SNX13: variants seen among roughly 807,000 people sequenced by gnomAD.
The protein encoded by SNX13 is sorting nexin-13.
A neutral mutation model predicts 133.6 loss-of-function variants in SNX13; 45 were observed. The ratio of observed to expected loss-of-function variants is 0.34; its 90% confidence interval spans 0.27 to 0.43. The LOEUF (loss-of-function observed/expected upper bound fraction) is 0.43, where lower values mean the gene tolerates loss of function less well. Among genes scored for constraint, SNX13 ranks in the 20% least tolerant of loss-of-function variants. The probability of loss-of-function intolerance (pLI) is 1.00; values close to 1 mark genes in which losing one functional copy is unlikely to be tolerated. For missense variants in SNX13, 1,032 were observed against 1,145.1 expected, an observed-to-expected ratio of 0.90 and a Z score of 1.43; for synonymous variants, 414 against 373.9, an observed-to-expected ratio of 1.11 and a Z score of -1.24.
chr7:17,940,391 CAA>C lies in SNX13; in HGVS notation c.-98_-97del. ...CTGCTCGGGCCGCCGCCAACGGCGG[CAA>C]CTGCTCCTTCAGTCTTCTCCCGGGC... On this transcript the variant is annotated 5_prime_UTR_variant, in exon 1 of 26. The change abolishes the stop of an existing upstream ORF in the 5' untranslated region. Transcript: ENST00000428135. 1 of 1,402,282 alleles carries C rather than the reference CAA, an allele frequency of 7.1e-7. No homozygotes were observed. The highest frequency in any genetic ancestry group is 9.9e-7 in the Non-Finnish European group (1 of 1,014,396). The allele number at this position is 1,402,282 out of a possible 1,614,324, so 86.9% of individuals were successfully genotyped here.
intron 1 of SNX13, 55 bp downstream of exon 1, chr7:17,940,229 G>A (rs1802673411): frequency 6.4e-7 from 1 of 1,551,608 alleles, no homozygotes; most frequent in Admixed American, 2.0e-5. Flanking sequence ...CTGACGGGCT[G>A]GCGCCGGCCC....
At chr7:17,854,113 AT>A (rs1365409664) in intron 9 of SNX13, among the ~76,000 whole-genome samples, 1 of 152,044 alleles carries the variant, frequency 6.6e-6, no homozygotes, top group Non-Finnish European at 1.5e-5. Flanking sequence ...AGTGTAAAAG[AT>A]TTTTTTTCTG....
intron 1 of SNX13, among the ~76,000 whole-genome samples, chr7:17,916,915 C>A (rs575115545): frequency 2.0e-5 from 3 of 152,178 alleles, no homozygotes; most frequent in South Asian, 4.1e-4. Context: ...AAATCCTCAA[C>A]AAAATACTAG....
At chr7:17,893,681 A>AGG (rs1796885352) in intron 2 of SNX13, among the ~76,000 whole-genome samples, 1 of 152,180 alleles carries the variant, frequency 6.6e-6, no homozygotes. Flanking sequence ...TTCCTAAAGA[A>AGG]TCTTGTGACA....
intron 5 of SNX13, among the ~76,000 whole-genome samples, chr7:17,883,175 A>C (rs1795568593): frequency 6.6e-6 from 1 of 152,234 alleles, no homozygotes; most frequent in South Asian, 2.1e-4. Context: ...CCTATATTTC[A>C]ATGCTTCAAA....
At chr7:17,840,553 A>G (rs1346271132) in intron 12 of SNX13, among the ~76,000 whole-genome samples, 6 of 152,080 alleles carry the variant, frequency 3.9e-5, no homozygotes, top group Non-Finnish European at 1.5e-5. Context: ...TATGTTCCCA[A>G]TAAAGTACTC....
At chr7:17,812,334 G>T (rs1025282751) in intron 20 of SNX13, among the ~76,000 whole-genome samples, 1 of 152,028 alleles carries the variant, frequency 6.6e-6, no homozygotes. Context: ...GAAAGTGGGC[G>T]AACGATACGA....
At chr7:17,805,254 T>TGCGCGCGCGCGCGCGCGC (rs56000068) in intron 20 of SNX13, among the ~76,000 whole-genome samples, 48 of 132,516 alleles carry the variant, frequency 3.6e-4, no homozygotes, top group East Asian at 1.1e-3. Context: ...TGTGTGTGCG[T>TGCGCGCGCGCGCGCGCGC]GCGCGCGCGC....
At chr7:17,936,337 C>A (rs1016045771) in intron 1 of SNX13, among the ~76,000 whole-genome samples, 1 of 152,148 alleles carries the variant, frequency 6.6e-6, no homozygotes, top group African/African-American at 2.4e-5. Context: ...TATATCAGAT[C>A]TGTTAACTCT....
chr7:17,889,397 A>C (rs1409976371), intron 5 of SNX13: 2 of 152,218 alleles, frequency 1.3e-5, no homozygotes, highest in Admixed American at 1.3e-4. Context: ...AAAGCTTTAT[A>C]ATCAATGGAG....
At chr7:17,801,016 A>ATATATATATATATATATGTG (rs1784562001) in intron 22 of SNX13, among the ~76,000 whole-genome samples, 2 of 9,788 alleles carry the variant, frequency 2.0e-4, no homozygotes, top group African/African-American at 5.5e-4. Context: ...GAACATATAT[A>ATATATATATATATATATGTG]TATATATATA....
intron 10 of SNX13, 69 bp downstream of exon 10, chr7:17,850,757 A>G (rs1583473233): frequency 8.0e-7 from 1 of 1,250,526 alleles, no homozygotes; most frequent in African/African-American, 1.6e-5. Context: ...ATTTAGGTAA[A>G]TTAATCAAAG....
chr7:17,829,340 A>G (rs1788231233), intron 16 of SNX13, among the ~76,000 whole-genome samples: 1 of 151,540 alleles, frequency 6.6e-6, no homozygotes, highest in Non-Finnish European at 1.5e-5. Context: ...GCATCTTAGA[A>G]AATGAGTTAT....
intron 15 of SNX13, chr7:17,830,287 A>T (rs1436342253): frequency 4.1e-6 from 4 of 984,152 alleles, no homozygotes; most frequent in Non-Finnish European, 4.8e-6. Flanking sequence ...GCCAAAAATC[A>T]AAAAGGCATT....
intron 20 of SNX13, among the ~76,000 whole-genome samples, chr7:17,810,156 C>A (rs549212600): frequency 6.6e-6 from 1 of 152,092 alleles, no homozygotes; most frequent in East Asian, 1.9e-4. Flanking sequence ...ACGAAAAACG[C>A]TTCAAAAAAT....
intron 17 of SNX13, among the ~76,000 whole-genome samples, chr7:17,825,448 T>A (rs1225631275): frequency 6.6e-6 from 1 of 152,200 alleles, no homozygotes; most frequent in Admixed American, 6.5e-5. Flanking sequence ...ATAAGAAAAC[T>A]ATCATTATTT....
At chr7:17,819,343 G>A (rs1383648683) in intron 18 of SNX13, among the ~76,000 whole-genome samples, 1 of 151,990 alleles carries the variant, frequency 6.6e-6, no homozygotes, top group Non-Finnish European at 1.5e-5. Context: ...CCAGGCTCAA[G>A]TGATCCTCCC....
chr7:17,812,908 C>T (rs1173224476), intron 20 of SNX13, among the ~76,000 whole-genome samples: 1 of 151,890 alleles, frequency 6.6e-6, no homozygotes, highest in Non-Finnish European at 1.5e-5. Flanking sequence ...GAAAACCAAA[C>T]ACCACACGTT....
intron 18 of SNX13, among the ~76,000 whole-genome samples, chr7:17,817,414 T>C (rs1786784146): frequency 6.6e-6 from 1 of 152,206 alleles, no homozygotes; most frequent in Non-Finnish European, 1.5e-5. Flanking sequence ...AATTATTTGT[T>C]GAAAACGTCT....
Sources: allele counts gnomAD v4.1 joint callset (sites outside exome capture counted in the v4.1 genomes callset), GRCh38; gene constraint gnomAD v4.1.1; transcripts MANE v1.5; gene names NCBI Gene and HGNC (gene_info 2026-07-23, HGNC 2026-07-21).